Variants in HECW2 observed in about 807,000 individuals in gnomAD.
HECW2 encodes HECT, C2 and WW domain containing E3 ubiquitin protein ligase 2.
In HECW2, 61 loss-of-function variants were observed where a neutral mutation model predicts 175.2. The observed-to-expected ratio is 0.35, with a 90% CI of 0.28 to 0.43. The LOEUF is 0.43. HECW2 is among the 20% of genes least tolerant of loss of function. HECW2 has a pLI of 1.00. For synonymous variants in HECW2, 671 were observed against 731.0 expected (o/e 0.92, Z 1.32); for missense variants, 1,524 against 2,000.5 (o/e 0.76, Z 4.54).
intron 10 of HECW2, among the ~76,000 whole-genome samples, chr2:196,309,329 C>T (rs1056627748): frequency 1.3e-5 from 2 of 152,178 alleles, no homozygotes; most frequent in Non-Finnish European, 2.9e-5. Flanking sequence ...AGGAATTGGG[C>T]TGAACAAAAG....
Position 196,433,195 on chromosome 2 carries a change from T to G in HECW2, c.229A>C (p.Ile77Leu). 6.2e-7 allele frequency: 1 copy of G among 1,614,066 alleles called. No individual in the cohort carries two copies. The highest frequency in any genetic ancestry group is 8.5e-7 in the Non-Finnish European group (1 of 1,179,980). Residue 77 changes from isoleucine to leucine, a missense_variant, in exon 2 of 29, where the codon ATT becomes CTT. Transcript: ENST00000644978. ...EYTLGQAQNLIIFWDIKEEVD... is the reference protein window; with the variant it reads ...EYTLGQAQNLLIFWDIKEEVD... ...TCCTCTTTAATGTCCCAGAAGATAA[T>G]GAGGTTCTGGGCTTGCCCCAGCGTG...
chr2:196,430,520 G>C (rs898694675), intron 2 of HECW2, among the ~76,000 whole-genome samples: 81 of 152,126 alleles, frequency 5.3e-4, no homozygotes, highest in African/African-American at 1.8e-3. Flanking sequence ...ATTCAATTCA[G>C]TTTGAAGAAC....
At chr2:196,463,250 T>C (rs1696816920) in intron 1 of HECW2, among the ~76,000 whole-genome samples, 1 of 152,036 alleles carries the variant, frequency 6.6e-6, no homozygotes. Context: ...TTGTAACTGT[T>C]AGCATGGGTT....
intron 1 of HECW2, among the ~76,000 whole-genome samples, chr2:196,562,108 G>A (rs188115319): frequency 2.6e-5 from 4 of 152,310 alleles, no homozygotes; most frequent in Non-Finnish European, 5.9e-5. Flanking sequence ...GAGACATGCA[G>A]CCTAAATAAT....
At chr2:196,451,407 T>C (rs1269780409) in intron 1 of HECW2, among the ~76,000 whole-genome samples, 1 of 138,110 alleles carries the variant, frequency 7.2e-6, no homozygotes, top group African/African-American at 2.8e-5. Context: ...CACTCCAGCC[T>C]GGTGATGGAG....
chr2:196,276,673 TG>T (rs1302681830), intron 15 of HECW2, among the ~76,000 whole-genome samples: 1 of 152,216 alleles, frequency 6.6e-6, no homozygotes, highest in Admixed American at 6.5e-5. Flanking sequence ...TCACCACTAA[TG>T]GGTTACATGA....
At chr2:196,240,583 T>A in intron 20 of HECW2, 21 bp from the exon 21 acceptor site, 1 of 1,561,212 alleles carries the variant, frequency 6.4e-7, no homozygotes, top group Non-Finnish European at 8.6e-7. Context: ...AGAGACAATT[T>A]AGAAAATACA....
chr2:196,571,181 A>ATCCT (rs1317380036), intron 1 of HECW2, among the ~76,000 whole-genome samples: 7 of 152,228 alleles, frequency 4.6e-5, no homozygotes, highest in African/African-American at 1.7e-4. Flanking sequence ...TTCAACTAGG[A>ATCCT]ATCAGAAGTC....
chr2:196,371,026 G>GC (rs1693894129), intron 2 of HECW2, among the ~76,000 whole-genome samples: 2 of 152,126 alleles, frequency 1.3e-5, no homozygotes, highest in Non-Finnish European at 2.9e-5. Context: ...TTATGAAGGT[G>GC]TTTTTTTGTG....
At chr2:196,207,461 T>C (rs1051025901) in intron 28 of HECW2, among the ~76,000 whole-genome samples, 5 of 152,158 alleles carry the variant, frequency 3.3e-5, no homozygotes, top group Admixed American at 1.3e-4. Flanking sequence ...GGCCATGAGG[T>C]TTAGAGCAGA....
At chr2:196,359,579 C>T (rs934065674) in intron 2 of HECW2, among the ~76,000 whole-genome samples, 5 of 152,258 alleles carry the variant, frequency 3.3e-5, no homozygotes, top group South Asian at 2.1e-4. Flanking sequence ...TTACATTGCA[C>T]CTAAGGCTGA....
chr2:196,407,439 C>T (rs1358507), intron 2 of HECW2, among the ~76,000 whole-genome samples: 139,340 of 152,106 alleles, frequency 0.92, 64,360 homozygotes, highest in East Asian at 1. Flanking sequence ...TGAACTTACA[C>T]GATCTGCCCA....
intron 17 of HECW2, among the ~76,000 whole-genome samples, chr2:196,270,639 A>C (rs775454688): frequency 6.6e-6 from 1 of 151,084 alleles, no homozygotes; most frequent in Non-Finnish European, 1.5e-5. Context: ...CTTGGCTTAA[A>C]TTTTTTTTTC....
chr2:196,423,684 TTGTGTGTGTG>T (rs60030164), intron 2 of HECW2, among the ~76,000 whole-genome samples: 3 of 139,946 alleles, frequency 2.1e-5, no homozygotes, highest in Admixed American at 1.4e-4. Context: ...TAGTATTCCA[TTGTGTGTGTG>T]TGTGTGTGTG....
chr2:196,310,344 A>G (rs1486817418), intron 10 of HECW2, among the ~76,000 whole-genome samples: 5 of 152,202 alleles, frequency 3.3e-5, no homozygotes, highest in Admixed American at 3.3e-4. Flanking sequence ...CCCCATAAAG[A>G]CAAATTCTAT....
chr2:196,527,402 G>A (rs989492744), intron 1 of HECW2, among the ~76,000 whole-genome samples: 4 of 152,194 alleles, frequency 2.6e-5, no homozygotes, highest in South Asian at 2.1e-4. Context: ...AGATGAACCC[G>A]GTACCTCAGA....
intron 3 of HECW2, among the ~76,000 whole-genome samples, chr2:196,340,866 G>C (rs765587988): frequency 3.7e-4 from 56 of 151,502 alleles, no homozygotes; most frequent in Non-Finnish European, 5.7e-4. Context: ...TTACAATTAT[G>C]CTCCGCAATA....
intron 1 of HECW2, among the ~76,000 whole-genome samples, chr2:196,582,715 C>G (rs1690833885): frequency 6.6e-6 from 1 of 152,208 alleles, no homozygotes; most frequent in Admixed American, 6.5e-5. Flanking sequence ...GAACCAGACA[C>G]AGACACCACA....
chr2:196,462,252 T>G (rs558864042), intron 1 of HECW2, among the ~76,000 whole-genome samples: 2 of 152,252 alleles, frequency 1.3e-5, no homozygotes, highest in Non-Finnish European at 2.9e-5. Flanking sequence ...TCTATCATAA[T>G]GTAAATTTTG....
Sources: allele counts gnomAD v4.1 joint callset (sites outside exome capture counted in the v4.1 genomes callset), GRCh38; gene constraint gnomAD v4.1.1; transcripts MANE v1.5; gene names NCBI Gene and HGNC (gene_info 2026-07-23, HGNC 2026-07-21).